KCNIP4: variants seen among roughly 807,000 people sequenced by gnomAD.
KCNIP4 encodes the protein Kv channel-interacting protein 4.
KCNIP4 carries 12 observed loss-of-function variants against 34.0 expected under a neutral mutation model. The observed-to-expected ratio is 0.35, with a 90% CI of 0.23 to 0.57. The LOEUF (loss-of-function observed/expected upper bound fraction) is 0.57. Among genes scored for constraint, KCNIP4 ranks in the 20% least tolerant of loss-of-function variants. The probability of loss-of-function intolerance (pLI) is 0.83; values close to 1 mark genes in which losing one functional copy is unlikely to be tolerated. For missense variants in KCNIP4, 238 were observed against 311.7 expected (o/e 0.76, Z 1.78); for synonymous variants, 124 against 102.2 (o/e 1.21, Z -1.29).
At chr4:20,812,769 T>G (rs1291558048) in intron 3 of KCNIP4, among the ~76,000 whole-genome samples, 1 of 152,072 alleles carries the variant, frequency 6.6e-6, no homozygotes, top group East Asian at 1.9e-4. Flanking sequence ...TATAAAGGCA[T>G]AATGCTTGGG....
intron 1 of KCNIP4, among the ~76,000 whole-genome samples, chr4:21,402,099 C>A (rs1366594645): frequency 6.6e-6 from 1 of 152,186 alleles, no homozygotes; most frequent in Non-Finnish European, 1.5e-5. Context: ...CATATACTTT[C>A]TCCTCCAGGT....
rs367901836 is a variant in KCNIP4 at position 21,618,618 on chromosome 4, C to A, written c.61+329953G>T. The stretch of plus-strand genomic sequence containing the variant: ...TATTTATATATTTTCTTTTCTTTTT[C>A]TTTTTCTTTTTCTTTTTTTTTTTTT... On this transcript the variant is annotated intron_variant, in intron 1 of 8. Coordinates refer to ENST00000382152, the MANE Select transcript of KCNIP4 (RefSeq NM_025221.6). 2.3e-3 allele frequency among the ~76,000 whole-genome samples: 269 copies of A among 119,198 alleles called. 2 individuals are homozygous for A. The highest frequency in any genetic ancestry group is 7.5e-3 in the African/African-American group (256 of 34,078). The allele number at this position is 119,198 out of a possible 152,430, so 78.2% of individuals were successfully genotyped here.
At chr4:21,840,849 G>A (rs1002080492) in intron 1 of KCNIP4, among the ~76,000 whole-genome samples, 1 of 152,134 alleles carries the variant, frequency 6.6e-6, no homozygotes, top group Non-Finnish European at 1.5e-5. Context: ...CAATGTCTCA[G>A]AATTTTCTTC....
intron 1 of KCNIP4, among the ~76,000 whole-genome samples, chr4:21,624,380 T>TATTACCAGTCACTTAGTG (rs1745186727): frequency 6.6e-6 from 1 of 152,122 alleles, no homozygotes; most frequent in African/African-American, 2.4e-5. Context: ...TCACATATAT[T>TATTACCAGTCACTTAGTG]TATACACTAA....
chr4:21,177,070 G>C (rs370775651), intron 1 of KCNIP4, among the ~76,000 whole-genome samples: 1 of 152,042 alleles, frequency 6.6e-6, no homozygotes, highest in African/African-American at 2.4e-5. Context: ...TAATTGATAG[G>C]AATTCCAGAT....
chr4:21,902,220 T>C (rs1727743210), intron 1 of KCNIP4, among the ~76,000 whole-genome samples: 1 of 152,098 alleles, frequency 6.6e-6, no homozygotes, highest in Non-Finnish European at 1.5e-5. Context: ...GCCTCATGAA[T>C]ACAGGGCATT....
intron 1 of KCNIP4, among the ~76,000 whole-genome samples, chr4:21,449,486 C>A (rs549221715): frequency 6.6e-6 from 1 of 152,134 alleles, no homozygotes; most frequent in Admixed American, 6.6e-5. Flanking sequence ...TTTGTTATAG[C>A]AGCCACAGAA....
chr4:21,074,393 C>T lies in KCNIP4; in HGVS notation c.62-191684G>A, dbSNP rs180904519. Among the ~76,000 whole-genome samples the T allele has an allele frequency of 2.1e-4, 32 of 152,270 alleles. 1 individual carries two copies. In the East Asian group the frequency reaches 6.0e-3, roughly 28 times the overall value. On this transcript the variant is annotated intron_variant, in intron 1 of 8. Transcript: ENST00000382152. The stretch of plus-strand genomic sequence containing the variant: ...GACTGTATGTGTCCAGGAATTTATT[C>T]ATTTCTTCTAGATTTTCTAGTTTAT...
At chr4:20,982,616 T>C (rs1422708960) in intron 1 of KCNIP4, among the ~76,000 whole-genome samples, 1 of 152,272 alleles carries the variant, frequency 6.6e-6, no homozygotes, top group Non-Finnish European at 1.5e-5. Context: ...GAATGTATGT[T>C]CTTATATTGT....
intron 1 of KCNIP4, among the ~76,000 whole-genome samples, chr4:21,678,902 T>C (rs1292908910): frequency 6.6e-6 from 1 of 152,130 alleles, no homozygotes; most frequent in Non-Finnish European, 1.5e-5. Flanking sequence ...AAAGGAGTGA[T>C]TCAGTTAAAA....
intron 1 of KCNIP4, among the ~76,000 whole-genome samples, chr4:21,085,993 A>G (rs1287208623): frequency 6.6e-6 from 1 of 152,180 alleles, no homozygotes; most frequent in Non-Finnish European, 1.5e-5. Context: ...AATCAGAAAG[A>G]TAAGTAATCG....
intron 1 of KCNIP4, among the ~76,000 whole-genome samples, chr4:21,108,107 T>C (rs1224750214): frequency 1.3e-5 from 2 of 151,436 alleles, no homozygotes; most frequent in Admixed American, 6.6e-5. Flanking sequence ...AGGAGTATCT[T>C]TGTGGCGTTC....
intron 1 of KCNIP4, among the ~76,000 whole-genome samples, chr4:21,331,195 C>A (rs746654028): frequency 2.6e-5 from 4 of 152,060 alleles, no homozygotes; most frequent in African/African-American, 2.4e-5. Context: ...GTTTTCCCTT[C>A]CTGATCTCAA....
intron 1 of KCNIP4, among the ~76,000 whole-genome samples, chr4:21,809,426 T>C (rs1021869163): frequency 3.3e-5 from 5 of 152,218 alleles, no homozygotes; most frequent in African/African-American, 1.2e-4. Context: ...AGCTTGCAGA[T>C]GGCAGACTGT....
At chr4:21,192,023 G>A (rs114170078) in intron 1 of KCNIP4, among the ~76,000 whole-genome samples, 1 of 152,236 alleles carries the variant, frequency 6.6e-6, no homozygotes, top group African/African-American at 2.4e-5. Context: ...TTATATTATA[G>A]TTAACATGAA....
chr4:21,168,174 G>A (rs1156674963), intron 1 of KCNIP4, among the ~76,000 whole-genome samples: 1 of 152,106 alleles, frequency 6.6e-6, no homozygotes, highest in Non-Finnish European at 1.5e-5. Flanking sequence ...AGAGAGAAAG[G>A]CTTCTTGCAT....
intron 1 of KCNIP4, among the ~76,000 whole-genome samples, chr4:21,489,308 T>C (rs1195232897): frequency 7.9e-6 from 1 of 126,366 alleles, no homozygotes; most frequent in Non-Finnish European, 1.6e-5. Flanking sequence ...ACTCAGTTTA[T>C]GAACATAGAG....
chr4:21,283,142 A>G (rs1762885916), intron 1 of KCNIP4, among the ~76,000 whole-genome samples: 1 of 152,232 alleles, frequency 6.6e-6, no homozygotes, highest in Admixed American at 6.5e-5. Context: ...GAAAATCTAT[A>G]AAGACGGAAA....
intron 1 of KCNIP4, among the ~76,000 whole-genome samples, chr4:21,421,850 A>C (rs1205385507): frequency 6.6e-6 from 1 of 152,138 alleles, no homozygotes; most frequent in Non-Finnish European, 1.5e-5. Context: ...TCAAAACATC[A>C]CCTCTATATG....
Sources: gnomAD v4.1 joint callset for allele counts (sites outside exome capture counted in the v4.1 genomes callset) on GRCh38, gnomAD v4.1.1 for gene constraint, MANE v1.5 for transcripts, NCBI Gene and HGNC (gene_info 2026-07-23, HGNC 2026-07-21) for gene names.